Variants in CNTN5 observed in about 807,000 individuals in gnomAD.
CNTN5 encodes the protein contactin-5.
In CNTN5, 77 loss-of-function variants were observed where a neutral mutation model predicts 129.1. That is an observed-to-expected ratio of 0.60 (90% CI 0.50 to 0.72). CNTN5 has a LOEUF of 0.72. Ranked by LOEUF, CNTN5 falls within the 30% of genes least tolerant of loss-of-function variation. The pLI is 0.00. For missense variants in CNTN5, 1,478 were observed against 1,328.8 expected (o/e 1.11, Z -1.75); for synonymous variants, 509 against 465.6 (o/e 1.09, Z -1.20).
intron 8 of CNTN5, among the ~76,000 whole-genome samples, chr11:99,987,837 C>T (rs1032563462): frequency 2.0e-5 from 3 of 152,054 alleles, no homozygotes; most frequent in African/African-American, 7.2e-5. Context: ...GAGGGGGTTA[C>T]ATAATTTTTA....
At chr11:99,162,576 T>A (rs1860669481) in intron 1 of CNTN5, among the ~76,000 whole-genome samples, 1 of 152,170 alleles carries the variant, frequency 6.6e-6, no homozygotes. Context: ...TTTATGAAAT[T>A]TTCTCAGTAC....
At chr11:99,661,577 TTTGC>T (rs948814362) in intron 3 of CNTN5, among the ~76,000 whole-genome samples, 2 of 152,112 alleles carry the variant, frequency 1.3e-5, no homozygotes, top group Non-Finnish European at 2.9e-5. Flanking sequence ...CATGCATTTG[TTTGC>T]ATAACAACCA....
chr11:100,224,840 G>A, intron 16 of CNTN5, 28 bp downstream of exon 16: 1 of 1,609,546 alleles, frequency 6.2e-7, no homozygotes, highest in South Asian at 1.1e-5. Flanking sequence ...GCAGTCTGAA[G>A]ACATGATCAC....
intron 1 of CNTN5, among the ~76,000 whole-genome samples, chr11:99,245,269 C>T (rs1006980409): frequency 9.2e-5 from 14 of 152,042 alleles, no homozygotes; most frequent in Non-Finnish European, 1.8e-4. Flanking sequence ...GCATTTATGT[C>T]CCTTTCTATA....
intron 1 of CNTN5, among the ~76,000 whole-genome samples, chr11:99,133,627 A>AAAAAAAAT (rs1348970207): frequency 2.2e-4 from 15 of 68,808 alleles, no homozygotes; most frequent in African/African-American, 4.8e-4. Flanking sequence ...AGAAAAAAAA[A>AAAAAAAAT]AGACCATACA....
At chr11:99,920,585 T>G (rs1949912081) in intron 7 of CNTN5, among the ~76,000 whole-genome samples, 1 of 152,148 alleles carries the variant, frequency 6.6e-6, no homozygotes, top group South Asian at 2.1e-4. Flanking sequence ...ATTCTGTACA[T>G]CAGGCCTCAG....
At chr11:99,581,628 C>T (rs1026239111) in intron 3 of CNTN5, among the ~76,000 whole-genome samples, 7 of 152,064 alleles carry the variant, frequency 4.6e-5, no homozygotes, top group Admixed American at 3.3e-4. Flanking sequence ...GTTTAAAGTC[C>T]GTTTTATCCG....
chr11:100,040,537 CTTTT>C (rs964894635), intron 9 of CNTN5, among the ~76,000 whole-genome samples: 12 of 152,208 alleles, frequency 7.9e-5, no homozygotes, highest in Non-Finnish European at 1.2e-4. Context: ...TTACTGCTGT[CTTTT>C]TGTTTGTCTG....
chr11:99,724,457 A>G (rs1473323018), intron 3 of CNTN5, among the ~76,000 whole-genome samples: 1 of 152,204 alleles, frequency 6.6e-6, no homozygotes, highest in Non-Finnish European at 1.5e-5. Flanking sequence ...TCACTTGACA[A>G]TTATAACAGT....
intron 13 of CNTN5, among the ~76,000 whole-genome samples, chr11:100,157,007 A>C (rs992695521): frequency 6.6e-6 from 1 of 151,544 alleles, no homozygotes; most frequent in Non-Finnish European, 1.5e-5. Flanking sequence ...TTCTGCTCTG[A>C]CCTTAGTTAT....
chr11:99,424,386 C>G (rs898352315), intron 2 of CNTN5, among the ~76,000 whole-genome samples: 1 of 152,194 alleles, frequency 6.6e-6, no homozygotes, highest in East Asian at 1.9e-4. Context: ...TGGTGGCACC[C>G]AGCATGCTGC....
chr11:99,531,754 G>T (rs1300113358), intron 2 of CNTN5, among the ~76,000 whole-genome samples: 2 of 152,188 alleles, frequency 1.3e-5, no homozygotes, highest in Non-Finnish European at 1.5e-5. Flanking sequence ...CAGTTTCCAC[G>T]TGGCATTGAG....
At chr11:99,491,925 GT>G (rs1232443257) in intron 2 of CNTN5, among the ~76,000 whole-genome samples, 1 of 152,150 alleles carries the variant, frequency 6.6e-6, no homozygotes, top group Non-Finnish European at 1.5e-5. Flanking sequence ...TCCTGAAGAG[GT>G]TTTAAGCTGT....
chr11:100,206,781 A>T (rs760610923), intron 15 of CNTN5, among the ~76,000 whole-genome samples: 1 of 152,114 alleles, frequency 6.6e-6, no homozygotes, highest in Non-Finnish European at 1.5e-5. Flanking sequence ...ACTAAACAAT[A>T]AATTTTTTTA....
chr11:99,111,532 C>A (rs950670302), intron 1 of CNTN5, among the ~76,000 whole-genome samples: 1 of 152,066 alleles, frequency 6.6e-6, no homozygotes, highest in East Asian at 1.9e-4. Flanking sequence ...CAGAAAATTA[C>A]GGAGTCAGTG....
intron 2 of CNTN5, among the ~76,000 whole-genome samples, chr11:99,437,354 A>G (rs1005807194): frequency 6.6e-6 from 1 of 152,150 alleles, no homozygotes; most frequent in African/African-American, 2.4e-5. Context: ...AATCATCTAT[A>G]ATTTGACTTC....
intron 6 of CNTN5, among the ~76,000 whole-genome samples, chr11:99,870,685 T>C (rs1440795162): frequency 6.6e-6 from 1 of 152,150 alleles, no homozygotes; most frequent in Non-Finnish European, 1.5e-5. Context: ...AGCTTTTCTT[T>C]GTAATTACGG....
chr11:99,267,704 C>T (rs1305719807), intron 1 of CNTN5, among the ~76,000 whole-genome samples: 1 of 151,938 alleles, frequency 6.6e-6, no homozygotes, highest in African/African-American at 2.4e-5. Context: ...CAATGAAAAA[C>T]ATTAATAAGT....
chr11:99,333,898 A>G (rs1866106747), intron 2 of CNTN5, among the ~76,000 whole-genome samples: 1 of 151,930 alleles, frequency 6.6e-6, no homozygotes, highest in South Asian at 2.1e-4. Flanking sequence ...GTAGAAGATA[A>G]AAAATGCTAT....
Sources: gnomAD v4.1 joint callset for allele counts (sites outside exome capture counted in the v4.1 genomes callset) on GRCh38, gnomAD v4.1.1 for gene constraint, MANE v1.5 for transcripts, NCBI Gene and HGNC (gene_info 2026-07-23, HGNC 2026-07-21) for gene names.